CCBE1: variants seen among roughly 807,000 people sequenced by gnomAD.
The protein encoded by CCBE1 is collagen and calcium binding EGF domains 1.
CCBE1 carries 37 observed loss-of-function variants against 50.0 expected under a neutral mutation model. The observed-to-expected ratio is 0.74, with a 90% confidence interval of 0.57 to 0.97. CCBE1 has a LOEUF of 0.97. CCBE1 is among the 50% of genes least tolerant of loss of function. The pLI is 0.00. For missense variants in CCBE1, 538 were observed against 523.8 expected (o/e 1.03, Z -0.26); for synonymous variants, 234 against 203.7 (o/e 1.15, Z -1.27).
chr18:59,567,740 G>A (rs1015474639), intron 2 of CCBE1, among the ~76,000 whole-genome samples: 13 of 152,212 alleles, frequency 8.5e-5, no homozygotes, highest in East Asian at 5.8e-4. Context: ...TGCCAACTAC[G>A]TGACTTTGCT....
chr18:59,640,641 A>C (rs975491520), intron 2 of CCBE1, among the ~76,000 whole-genome samples: 2 of 152,210 alleles, frequency 1.3e-5, no homozygotes, highest in African/African-American at 4.8e-5. Flanking sequence ...GGATCTAATT[A>C]AACTATTAGG....
intron 2 of CCBE1, among the ~76,000 whole-genome samples, chr18:59,543,632 G>A (rs887162262): frequency 6.6e-6 from 1 of 152,070 alleles, no homozygotes; most frequent in African/African-American, 2.4e-5. Flanking sequence ...TCAGGAGATC[G>A]AGAACATCCT....
intron 2 of CCBE1, among the ~76,000 whole-genome samples, chr18:59,620,927 T>A (rs1277062574): frequency 6.6e-6 from 1 of 152,156 alleles, no homozygotes; most frequent in African/African-American, 2.4e-5. Flanking sequence ...GCCAGGGCTG[T>A]CCAGGCAATC....
Position 59,610,980 on chromosome 18 carries a change from C to T in CCBE1, c.212+85649G>A, listed in dbSNP as rs1193638541. On this transcript the variant is annotated intron_variant, in intron 2 of 10. Transcript: ENST00000439986. ...GCCCCAAAGCCCATGCCCTTTGAATCAGGTACACTCAGCTTCCTGAATACT... is the reference window on the plus strand; with the variant it reads ...GCCCCAAAGCCCATGCCCTTTGAATTAGGTACACTCAGCTTCCTGAATACT... 3.9e-5 allele frequency among the ~76,000 whole-genome samples: 6 copies of T among 152,254 alleles called. No homozygotes were observed. The East Asian group carries it at 1.2e-3, about 29-fold the overall frequency.
chr18:59,654,791 C>A (rs77996156), intron 2 of CCBE1, among the ~76,000 whole-genome samples: 1,347 of 93,774 alleles, frequency 0.014, no homozygotes, highest in African/African-American at 0.016. Context: ...ACTCCGTCTC[C>A]AAAAAAAAAA....
chr18:59,562,122 C>A (rs2052747397), intron 2 of CCBE1, among the ~76,000 whole-genome samples: 1 of 152,164 alleles, frequency 6.6e-6, no homozygotes, highest in Non-Finnish European at 1.5e-5. Flanking sequence ...ATAATACTTA[C>A]ACATAAAGAT....
chr18:59,507,331 G>A (rs1048314974), intron 2 of CCBE1, among the ~76,000 whole-genome samples: 2 of 152,080 alleles, frequency 1.3e-5, no homozygotes, highest in Non-Finnish European at 2.9e-5. Flanking sequence ...TACCTGTGTC[G>A]AGGTCACATC....
chr18:59,464,022 T>C (rs1911621861), intron 5 of CCBE1: 1 of 152,188 alleles, frequency 6.6e-6, no homozygotes, highest in East Asian at 1.9e-4. Context: ...CTGCACCCTG[T>C]TTTTCAGTGA....
chr18:59,635,955 G>A (rs2053910626), intron 2 of CCBE1, among the ~76,000 whole-genome samples: 1 of 152,088 alleles, frequency 6.6e-6, no homozygotes, highest in Non-Finnish European at 1.5e-5. Flanking sequence ...TTGAGCCCAG[G>A]AGTTCAAGAC....
At chr18:59,506,777 C>T (rs1007605692) in intron 2 of CCBE1, among the ~76,000 whole-genome samples, 3 of 152,210 alleles carry the variant, frequency 2.0e-5, no homozygotes, top group African/African-American at 7.2e-5. Context: ...AAGTGTGTTT[C>T]TATCTGGATG....
chr18:59,582,719 A>T (rs960945038), intron 2 of CCBE1, among the ~76,000 whole-genome samples: 3 of 152,040 alleles, frequency 2.0e-5, no homozygotes, highest in Non-Finnish European at 4.4e-5. Flanking sequence ...CTGCTCCCAA[A>T]CTCTTTTTTT....
intron 2 of CCBE1, among the ~76,000 whole-genome samples, chr18:59,499,402 T>G (rs1032174279): frequency 6.6e-6 from 1 of 152,150 alleles, no homozygotes; most frequent in Non-Finnish European, 1.5e-5. Context: ...GTTTTCACAC[T>G]ACTGATAGAG....
chr18:59,469,237 C>T (rs1041819409), intron 4 of CCBE1, among the ~76,000 whole-genome samples: 1 of 152,230 alleles, frequency 6.6e-6, no homozygotes, highest in Admixed American at 6.5e-5. Flanking sequence ...TTCCCCTTCT[C>T]CTGCTCTTAT....
intron 2 of CCBE1, among the ~76,000 whole-genome samples, chr18:59,547,547 A>G (rs1915754899): frequency 6.6e-6 from 1 of 151,746 alleles, no homozygotes; most frequent in Non-Finnish European, 1.5e-5. Flanking sequence ...AAATTAGCAC[A>G]AAAAACTGAA....
intron 2 of CCBE1, among the ~76,000 whole-genome samples, chr18:59,501,918 C>G (rs1165112177): frequency 6.6e-6 from 1 of 152,162 alleles, no homozygotes; most frequent in Admixed American, 6.5e-5. Flanking sequence ...CTCACCTCAG[C>G]CTTCCAAGTA....
chr18:59,438,001 G>C, intron 10 of CCBE1, 110 bp downstream of exon 10: 1 of 947,114 alleles, frequency 1.1e-6, no homozygotes, highest in Non-Finnish European at 1.7e-6. Flanking sequence ...GGTGGGCTGA[G>C]TGGCATCAGG....
intron 2 of CCBE1, among the ~76,000 whole-genome samples, chr18:59,634,468 G>A (rs148425771): frequency 1.7e-4 from 26 of 152,328 alleles, no homozygotes; most frequent in African/African-American, 5.8e-4. Flanking sequence ...CAAGTGTCCC[G>A]TGGAGGCCTG....
chr18:59,625,436 A>AT (rs1168989540), intron 2 of CCBE1, among the ~76,000 whole-genome samples: 109 of 135,754 alleles, frequency 8.0e-4, no homozygotes, highest in African/African-American at 1.2e-3. Context: ...GTCTCAAAAA[A>AT]AAAAAAAAAA....
Position 59,466,872 on chromosome 18 carries a change from G to C in CCBE1, c.420C>G (p.Ser140Arg). 8 of 1,613,104 alleles carry C rather than the reference G, an allele frequency of 5.0e-6. No individual in the cohort carries two copies. The highest frequency in any genetic ancestry group is 6.8e-6 in the Non-Finnish European group (8 of 1,179,534). ...TGTGGGCACACAGCGTCCCATTGCT[G>C]CTGGCACACTCATCAATATCTGGTT... ...PYCLDIDECA[S>R]SNGTLCAHIC... Residue 140 changes from serine to arginine, a missense_variant, in exon 5 of 11, where the codon AGC (serine) becomes AGG (arginine). By Grantham distance (110) the Ser-to-Arg change is moderately radical (BLOSUM62 -1). Transcript: ENST00000439986.
Sources: gnomAD v4.1 joint callset for allele counts (sites outside exome capture counted in the v4.1 genomes callset) on GRCh38, gnomAD v4.1.1 for gene constraint, MANE v1.5 for transcripts, NCBI Gene and HGNC (gene_info 2026-07-23, HGNC 2026-07-21) for gene names.